Variants in ANKIB1 observed in about 807,000 individuals in gnomAD.
ANKIB1 encodes ankyrin repeat and IBR domain-containing protein 1.
Under a neutral mutation model 122.1 loss-of-function variants are expected in ANKIB1, and 43 were observed. The observed-to-expected ratio is 0.35, with a 90% CI of 0.28 to 0.45. The LOEUF is 0.45. ANKIB1 is among the 20% of genes least tolerant of loss of function. The pLI is 1.00. For synonymous variants in ANKIB1, 390 were observed against 442.0 expected, an observed-to-expected ratio of 0.88 and a Z score of 1.48; for missense variants, 992 against 1,329.5, an observed-to-expected ratio of 0.75 and a Z score of 3.95.
chr7:92,318,173 A>G (rs1424976952), intron 3 of ANKIB1, among the ~76,000 whole-genome samples: 1 of 152,198 alleles, frequency 6.6e-6, no homozygotes, highest in Admixed American at 6.6e-5. Context: ...TTAGAAAACA[A>G]TAAATAGTGA....
chr7:92,378,480 C>CA (rs146294657), intron 11 of ANKIB1, among the ~76,000 whole-genome samples: 12,155 of 80,338 alleles, frequency 0.15, 1,527 homozygotes, highest in African/African-American at 0.4. Flanking sequence ...AGCTATTTGA[C>CA]AAAAAAAAAA....
intron 1 of ANKIB1, among the ~76,000 whole-genome samples, chr7:92,285,109 C>T (rs933799114): frequency 6.6e-6 from 1 of 152,058 alleles, no homozygotes; most frequent in South Asian, 2.1e-4. Flanking sequence ...GCTCTGTTGC[C>T]CAGGCTGGAG....
At chr7:92,274,516 A>G (rs1013704554) in intron 1 of ANKIB1, among the ~76,000 whole-genome samples, 1 of 152,198 alleles carries the variant, frequency 6.6e-6, no homozygotes, top group African/African-American at 2.4e-5. Context: ...TTTGCCATGT[A>G]CATTTATCAT....
At chr7:92,370,764 G>A (rs1409574954) in intron 10 of ANKIB1, among the ~76,000 whole-genome samples, 1 of 152,004 alleles carries the variant, frequency 6.6e-6, no homozygotes, top group Admixed American at 6.6e-5. Context: ...AGAAAAACAT[G>A]GAGAGATTTT....
At position 92,375,451 on chromosome 7, in the gene ANKIB1, A is replaced by G. The variant is rs971058197; in HGVS notation, c.1617+3844A>G. Among the ~76,000 whole-genome samples the G allele has an allele frequency of 5.3e-5, 8 of 152,236 alleles. No homozygotes were observed. In the South Asian group the frequency reaches 1.4e-3, roughly 28 times the overall value. ...TTGTTGTCATTTCAACAATGTTTAC[A>G]GAGTCTTTACCAGGAGCCTATTCTG... On this transcript the variant is annotated intron_variant, in intron 11 of 19. Coordinates refer to ENST00000265742, the MANE Select transcript of ANKIB1 (RefSeq NM_019004.2).
At chr7:92,287,563 T>G (rs1802157258) in intron 1 of ANKIB1, among the ~76,000 whole-genome samples, 1 of 152,220 alleles carries the variant, frequency 6.6e-6, no homozygotes, top group Non-Finnish European at 1.5e-5. Flanking sequence ...ATTAATCTCC[T>G]GTGCTTCTCC....
At chr7:92,371,951 GTGTGTGTGTGT>G (rs1310846672) in intron 11 of ANKIB1, among the ~76,000 whole-genome samples, 2 of 2,542 alleles carry the variant, frequency 7.9e-4, no homozygotes, top group African/African-American at 2.1e-3. Context: ...TGAGAGAGGG[GTGTGTGTGTGT>G]GTGTGTGTGT....
At chr7:92,389,151 A>G (rs1013417696) in intron 14 of ANKIB1, among the ~76,000 whole-genome samples, 10 of 152,166 alleles carry the variant, frequency 6.6e-5, no homozygotes, top group Non-Finnish European at 1.5e-4. Flanking sequence ...AAACAAAAAG[A>G]TACAGCAATT....
At chr7:92,279,858 CAAAA>C (rs1366992506) in intron 1 of ANKIB1, among the ~76,000 whole-genome samples, 3 of 152,044 alleles carry the variant, frequency 2.0e-5, no homozygotes, top group Non-Finnish European at 4.4e-5. Flanking sequence ...TTGACCCACT[CAAAA>C]AACAAACAAA....
chr7:92,366,459 G>A (rs1022247688), intron 10 of ANKIB1, among the ~76,000 whole-genome samples: 2 of 152,216 alleles, frequency 1.3e-5, no homozygotes, highest in East Asian at 3.9e-4. Flanking sequence ...ATCTTTAAAG[G>A]TTCCAACTGT....
chr7:92,333,686 G>C (rs6972939), intron 5 of ANKIB1, among the ~76,000 whole-genome samples: 76,491 of 151,998 alleles, frequency 0.5, 19,874 homozygotes, highest in African/African-American at 0.64. Context: ...ATCATTGTAT[G>C]CCCGCTACCT....
At chr7:92,338,936 ATATATATATATATATATATAT>A (rs1803366396) in intron 5 of ANKIB1, among the ~76,000 whole-genome samples, 2 of 22,476 alleles carry the variant, frequency 8.9e-5, no homozygotes, top group Admixed American at 9.0e-4. Flanking sequence ...AAAAAAAAAT[ATATATATATATATATATATAT>A]ATATATATAT....
intron 3 of ANKIB1, among the ~76,000 whole-genome samples, chr7:92,311,385 A>T (rs915106257): frequency 6.6e-6 from 1 of 152,140 alleles, no homozygotes; most frequent in Admixed American, 6.5e-5. Flanking sequence ...TATTTAGAAG[A>T]TTCCTTTTAA....
chr7:92,363,349 T>G (rs2115608274), intron 10 of ANKIB1, among the ~76,000 whole-genome samples: 1 of 152,118 alleles, frequency 6.6e-6, no homozygotes, highest in South Asian at 2.1e-4. Flanking sequence ...AGGTGGAGAT[T>G]GCAGTGAGGC....
At chr7:92,259,353 A>G (rs541420081) in intron 1 of ANKIB1, among the ~76,000 whole-genome samples, 1 of 152,232 alleles carries the variant, frequency 6.6e-6, no homozygotes, top group African/African-American at 2.4e-5. Flanking sequence ...GGTTCTTACC[A>G]CCTTCCTTAT....
Position 92,265,776 on chromosome 7 carries a change from A to G in ANKIB1, c.-91+19257A>G, listed in dbSNP as rs368584924. 9.2e-5 allele frequency among the ~76,000 whole-genome samples: 14 copies of G among 152,336 alleles called. No individual in the cohort carries two copies. In the East Asian group the frequency reaches 1.4e-3, roughly 15 times the overall value. ...TATTGGCCTGAGGGAGCCGGTGACA[A>G]TGTCATTTATGAGATGCATAAGATT... On this transcript the variant is annotated intron_variant, in intron 1 of 19. Coordinates refer to ENST00000265742, the MANE Select transcript of ANKIB1 (RefSeq NM_019004.2).
At chr7:92,268,394 T>C (rs943373502) in intron 1 of ANKIB1, among the ~76,000 whole-genome samples, 3 of 152,216 alleles carry the variant, frequency 2.0e-5, no homozygotes, top group Non-Finnish European at 2.9e-5. Flanking sequence ...GGCATATGAT[T>C]GTATTTTTTG....
intron 10 of ANKIB1, 111 bp downstream of exon 10, chr7:92,362,384 C>T (rs923349106): frequency 3.2e-6 from 3 of 930,776 alleles, no homozygotes; most frequent in Non-Finnish European, 5.0e-6. Flanking sequence ...TTTGTTAATG[C>T]AAGTGCTCTC....
intron 4 of ANKIB1, among the ~76,000 whole-genome samples, chr7:92,324,073 A>AG (rs1332776619): frequency 1.3e-5 from 2 of 152,236 alleles, no homozygotes; most frequent in Non-Finnish European, 2.9e-5. Flanking sequence ...AGGGAAGAGA[A>AG]GGAGTGACTG....
Sources: gnomAD v4.1 joint callset for allele counts (sites outside exome capture counted in the v4.1 genomes callset) on GRCh38, gnomAD v4.1.1 for gene constraint, MANE v1.5 for transcripts, NCBI Gene and HGNC (gene_info 2026-07-23, HGNC 2026-07-21) for gene names.